The following IQGAP3 variants were observed in gnomAD, a reference collection of about 807,000 sequenced individuals.
IQGAP3 encodes ras GTPase-activating-like protein IQGAP3.
IQGAP3 carries 165 observed loss-of-function variants against 208.2 expected under a neutral mutation model. The observed-to-expected ratio is 0.79, with a 90% CI of 0.70 to 0.90. The LOEUF (loss-of-function observed/expected upper bound fraction) is 0.90. Ranked by LOEUF, IQGAP3 falls within the 40% of genes least tolerant of loss-of-function variation. The pLI is 0.00. For missense variants in IQGAP3, 1,811 were observed against 2,043.1 expected, an observed-to-expected ratio of 0.89 and a Z score of 2.19; for synonymous variants, 703 against 803.6, an observed-to-expected ratio of 0.87 and a Z score of 2.12.
At chr1:156,548,548 C>A in intron 17 of IQGAP3, 33 bp downstream of exon 17, 1 of 1,598,218 alleles carries the variant, frequency 6.3e-7, no homozygotes, top group Non-Finnish European at 8.6e-7. Flanking sequence ...CTGGGGCAGG[C>A]AGCGAAGAGG....
intron 32 of IQGAP3, among the ~76,000 whole-genome samples, chr1:156,532,061 A>G (rs1373062927): frequency 2.0e-5 from 3 of 152,108 alleles, no homozygotes; most frequent in African/African-American, 7.2e-5. Flanking sequence ...GAAGAGCTCC[A>G]TGCCCATCTC....
In IQGAP3 at chr1:156,543,995, T is replaced by C. The variant is rs1675108382; in HGVS notation, c.2516A>G (p.Asp839Gly). 4 of 1,614,082 alleles carry C rather than the reference T, an allele frequency of 2.5e-6. No homozygotes were observed. The East Asian group carries it at 8.9e-5, about 36-fold the overall frequency. The change falls in exon 22 of 38, where the codon GAC becomes GGC. Residue 839 changes from aspartate to glycine, a missense_variant. Transcript: ENST00000361170. ...AGGCAGCTCACCTAATATCCTGTAG[T>C]CATCTTGGGCTTTCCTGGCTCGGAA... ...AFFRARKAQDDYRILVHAPHP... is the reference protein window; with the variant it reads ...AFFRARKAQDGYRILVHAPHP...
intron 22 of IQGAP3, among the ~76,000 whole-genome samples, chr1:156,541,523 A>T (rs1383992212): frequency 6.6e-6 from 1 of 152,220 alleles, no homozygotes; most frequent in Non-Finnish European, 1.5e-5. Flanking sequence ...ATTGGAAATA[A>T]CAACAAAACA....
chr1:156,555,743 C>T (rs1017423760), intron 12 of IQGAP3, among the ~76,000 whole-genome samples: 9 of 152,178 alleles, frequency 5.9e-5, no homozygotes, highest in African/African-American at 2.2e-4. Context: ...AATTAACTTG[C>T]CCAATGTCAC....
intron 32 of IQGAP3, among the ~76,000 whole-genome samples, chr1:156,531,658 G>T (rs59359496): frequency 0.096 from 14,029 of 146,728 alleles, 784 homozygotes; most frequent in African/African-American, 0.14. Flanking sequence ...AGGCTGGAGT[G>T]CAATGGCATG....
chr1:156,540,560 GGCAGAGGGCCACT>G, intron 23 of IQGAP3, 135 bp downstream of exon 23: 1 of 646,734 alleles, frequency 1.5e-6, no homozygotes, highest in South Asian at 1.9e-5. Context: ...TTATTAGAAT[GGCAGAGGGCCACT>G]GGAACAAGGA....
Position 156,526,535 on chromosome 1 carries a change from T to C in IQGAP3, c.4847A>G (p.Asn1616Ser), listed in dbSNP as rs1393596111. ...GAGGAGGAAGATGAGAAGGTTGACATTGACTTTGGCCTTGTTGAAGAGTTT... is the reference window on the plus strand; with the variant it reads ...GAGGAGGAAGATGAGAAGGTTGACACTGACTTTGGCCTTGTTGAAGAGTTT... ...VMKLFNKAKV[N>S]VNLLIFLLNK... Residue 1616 changes from asparagine to serine, a missense_variant, in exon 38 of 38, where the codon AAT becomes AGT. Transcript: ENST00000361170. The C allele has an allele frequency of 5.6e-6, 9 of 1,614,112 alleles. No individual in the cohort carries two copies. Among genetic ancestry groups the C allele is most frequent in the African/African-American group, 1.3e-5 (1 of 74,934 alleles).
At chr1:156,544,114 G>T in intron 21 of IQGAP3, 38 bp downstream of exon 21, 2 of 1,612,920 alleles carry the variant, frequency 1.2e-6, no homozygotes, top group Non-Finnish European at 1.7e-6. Flanking sequence ...ATGGGCAAAG[G>T]TTGGGTATGT....
chr1:156,544,330 A>C (rs1571330772), intron 20 of IQGAP3, 59 bp downstream of exon 20: 1 of 1,566,438 alleles, frequency 6.4e-7, no homozygotes, highest in African/African-American at 1.4e-5. Context: ...ACAAGACTAC[A>C]AGATTGTTCT....
chr1:156,546,018 T>C (rs1350930366), intron 19 of IQGAP3, among the ~76,000 whole-genome samples: 1 of 152,160 alleles, frequency 6.6e-6, no homozygotes, highest in African/African-American at 2.4e-5. Flanking sequence ...TGGTCCATGA[T>C]GCCAGCTGTC....
At chr1:156,567,829 G>A (rs181294718) in intron 2 of IQGAP3, among the ~76,000 whole-genome samples, 4 of 152,288 alleles carry the variant, frequency 2.6e-5, no homozygotes, top group South Asian at 2.1e-4. Flanking sequence ...AAGATGATGA[G>A]GGAATGTTCT....
At chr1:156,567,809 G>A (rs557250949) in intron 2 of IQGAP3, among the ~76,000 whole-genome samples, 3 of 152,146 alleles carry the variant, frequency 2.0e-5, no homozygotes, top group Admixed American at 6.5e-5. Context: ...TAGAGTAACC[G>A]AATAGTCCTA....
Position 156,533,008 on chromosome 1 carries a change from C to A in IQGAP3, c.4075G>T (p.Asp1359Tyr). ...KFEGLEADAD[D>Y]SNTRSLLLST... is the part of the protein sequence containing the mutation. ...AGAAGCAGGCTACGGGTGTTGGAGT[C>A]ATCAGCATCTGCCTCTAGTCCTTCA... The change falls in exon 32 of 38, where the codon GAC becomes TAC. Residue 1359 changes from aspartate to tyrosine, a missense_variant. Coordinates refer to ENST00000361170, the MANE Select transcript of IQGAP3 (RefSeq NM_178229.5). The A allele has an allele frequency of 1.2e-6, 2 of 1,614,120 alleles. No homozygotes were observed. The highest frequency in any genetic ancestry group is 2.2e-5 in the South Asian group (2 of 91,070).
Position 156,563,227 on chromosome 1 carries a change from A to G in IQGAP3, c.705T>C (p.Ala235=). 6.2e-7 allele frequency: 1 copy of G among 1,613,264 alleles called. No individual in the cohort carries two copies. The highest frequency in any genetic ancestry group is 8.5e-7 in the Non-Finnish European group (1 of 1,179,308). The change falls in exon 8 of 38, where the codon GCT becomes GCC. Residue 235 remains alanine (A), a synonymous_variant. Transcript: ENST00000361170. ...GAGGCTCTCGGAGATTCTCCAGAAG[A>G]GCACTGGGATTCTGCAAGGCAGCCA... ...DTLAALQNPS[A]LLENLREPLA... is the part of the protein sequence containing the mutation.
chr1:156,529,621 C>A (rs1341540125), intron 34 of IQGAP3, among the ~76,000 whole-genome samples: 1 of 151,910 alleles, frequency 6.6e-6, no homozygotes, highest in Non-Finnish European at 1.5e-5. Context: ...CCTGTCTCTA[C>A]TAAAAATACA....
At chr1:156,571,386 A>T (rs946596290) in intron 1 of IQGAP3, among the ~76,000 whole-genome samples, 1 of 152,210 alleles carries the variant, frequency 6.6e-6, no homozygotes, top group African/African-American at 2.4e-5. Flanking sequence ...CTATTTCCTT[A>T]TATTGCATAT....
At position 156,572,449 on chromosome 1, in the gene IQGAP3, G is replaced by A. The variant is rs754512984; in HGVS notation, c.37+44C>T. ...CCCGGGACAGCCAAGCCCCCGACCA[G>A]CGGCACCACTGCGAGACCCTTCTCT... On this transcript the variant is annotated intron_variant, in intron 1 of 37. Coordinates refer to ENST00000361170, the MANE Select transcript of IQGAP3 (RefSeq NM_178229.5). 4 of 1,597,434 alleles carry A rather than the reference G, an allele frequency of 2.5e-6. No individual in the cohort carries two copies. In the East Asian group the frequency reaches 8.9e-5, roughly 36 times the overall value.
chr1:156,565,393 G>A (rs1376785721), intron 4 of IQGAP3, among the ~76,000 whole-genome samples: 1 of 152,160 alleles, frequency 6.6e-6, no homozygotes, highest in Non-Finnish European at 1.5e-5. Context: ...GCCTCCCATC[G>A]AAGTGTCTTT....
intron 15 of IQGAP3, among the ~76,000 whole-genome samples, chr1:156,550,715 C>T (rs758966539): frequency 2.4e-4 from 36 of 152,196 alleles, no homozygotes; most frequent in Non-Finnish European, 4.4e-4. Flanking sequence ...ACGCTGGAGG[C>T]TCCAACTACC....
Sources: allele counts gnomAD v4.1 joint callset (sites outside exome capture counted in the v4.1 genomes callset), GRCh38; gene constraint gnomAD v4.1.1; transcripts MANE v1.5; gene names NCBI Gene and HGNC (gene_info 2026-07-23, HGNC 2026-07-21).